OCIAD1: variants seen among roughly 807,000 people sequenced by gnomAD.
OCIAD1 encodes OCIA domain-containing protein 1.
OCIAD1 carries 29 observed loss-of-function variants against 38.9 expected under a neutral mutation model. The observed-to-expected ratio is 0.74, with a 90% CI of 0.55 to 1.02. The LOEUF is 1.02. OCIAD1 is among the 50% of genes least tolerant of loss of function. The probability of loss-of-function intolerance (pLI) is 0.00; values close to 1 mark genes in which losing one functional copy is unlikely to be tolerated. For missense variants in OCIAD1, 288 were observed against 289.6 expected, an observed-to-expected ratio of 0.99 and a Z score of 0.04; for synonymous variants, 110 against 92.0, an observed-to-expected ratio of 1.20 and a Z score of -1.12.
intron 1 of OCIAD1, among the ~76,000 whole-genome samples, chr4:48,820,569 G>T (rs1579035822): frequency 6.6e-6 from 1 of 152,052 alleles, no homozygotes; most frequent in African/African-American, 2.4e-5. Context: ...AACTGAAGGA[G>T]ATAGAGACAT....
intron 1 of OCIAD1, among the ~76,000 whole-genome samples, chr4:48,811,571 AG>A (rs1404431892): frequency 6.6e-6 from 1 of 152,174 alleles, no homozygotes; most frequent in African/African-American, 2.4e-5. Flanking sequence ...ACCATTACTG[AG>A]CCTGGGAGGT....
upstream of OCIAD1, among the ~76,000 whole-genome samples, chr4:48,828,981 G>C (rs1777281969): frequency 6.6e-6 from 1 of 152,162 alleles, no homozygotes; most frequent in Non-Finnish European, 1.5e-5. Flanking sequence ...TTGCTTTAAA[G>C]TTGGTGCAGT....
intron 1 of OCIAD1, among the ~76,000 whole-genome samples, chr4:48,823,824 C>CTGTTT (rs1777221213): frequency 2.9e-5 from 2 of 70,128 alleles, no homozygotes; most frequent in Non-Finnish European, 4.8e-5. Flanking sequence ...CAATGCCTGG[C>CTGTTT]TTTTTTTTTT....
At chr4:48,814,515 A>G (rs191763124) in intron 1 of OCIAD1, among the ~76,000 whole-genome samples, 6 of 152,298 alleles carry the variant, frequency 3.9e-5, no homozygotes, top group Admixed American at 2.6e-4. Context: ...CAAAAATAAC[A>G]TAATTTACAC....
In OCIAD1 at chr4:48,860,858, T is replaced by G; in HGVS notation, c.*96T>G. The stretch of plus-strand genomic sequence containing the variant: ...GCTTTGAGCTCAGCAGCAGTCTTCA[T>G]AAACACATTTAAAACAAGATCCTGG... On this transcript the variant is annotated 3_prime_UTR_variant, in exon 9 of 9. Transcript: ENST00000264312. 1 of 858,444 alleles carries G rather than the reference T, an allele frequency of 1.2e-6. No individual in the cohort carries two copies. 53.2% of individuals were successfully genotyped at this position (858,444 alleles called of 1,614,324 possible). A position where few individuals can be genotyped will look rare whatever the true frequency, so the allele number is the denominator to read the frequency against.
At chr4:48,856,273 A>G (rs1304475993) in intron 7 of OCIAD1, 1 of 152,230 alleles carries the variant, frequency 6.6e-6, no homozygotes, top group African/African-American at 2.4e-5. Context: ...TCCCAGGCCA[A>G]AATAACAGTT....
chr4:48,819,278 C>T (rs1777168730), intron 1 of OCIAD1, among the ~76,000 whole-genome samples: 1 of 151,080 alleles, frequency 6.6e-6, no homozygotes, highest in African/African-American at 2.4e-5. Context: ...ATTCAGCATC[C>T]TTAATATCTA....
At chr4:48,850,895 G>A (rs1205666755) in intron 6 of OCIAD1, among the ~76,000 whole-genome samples, 1 of 152,170 alleles carries the variant, frequency 6.6e-6, no homozygotes. Flanking sequence ...TAAATATAGA[G>A]TTGTGTCCTA....
chr4:48,830,823 C>T (rs537043810), upstream of OCIAD1: 3 of 152,886 alleles, frequency 2.0e-5, no homozygotes, highest in East Asian at 5.8e-4. Context: ...ACGAGAAGAC[C>T]AGAGAGGTGC....
At chr4:48,805,157 G>A (rs1777012219), upstream of OCIAD1, 1 of 152,146 alleles carries the variant, frequency 6.6e-6, no homozygotes, top group African/African-American at 2.4e-5. Flanking sequence ...TCTCAAATCA[G>A]TCACTCTGCA....
chr4:48,836,371 G>A (rs1271600901), intron 3 of OCIAD1, among the ~76,000 whole-genome samples: 2 of 152,190 alleles, frequency 1.3e-5, no homozygotes, highest in Non-Finnish European at 2.9e-5. Flanking sequence ...GAGACTCAAT[G>A]ATACCTCTGA....
rs1381219285 is a variant in OCIAD1, at chr4:48,860,865, A to T, written c.*103A>T. The T allele has an allele frequency of 1.2e-6, 1 of 830,136 alleles. No homozygotes were observed. Among genetic ancestry groups the T allele is most frequent in the Non-Finnish European group, 2.0e-6 (1 of 493,920 alleles). 51.4% of individuals were successfully genotyped at this position (830,136 alleles called of 1,614,324 possible). On this transcript the variant is annotated 3_prime_UTR_variant, in exon 9 of 9. Transcript: ENST00000264312. Reference sequence around the variant, plus strand: ...GCTCAGCAGCAGTCTTCATAAACACATTTAAAACAAGATCCTGGGTTTTTG... The same window carrying T: ...GCTCAGCAGCAGTCTTCATAAACACTTTTAAAACAAGATCCTGGGTTTTTG...
intron 4 of OCIAD1, among the ~76,000 whole-genome samples, chr4:48,847,844 C>G (rs530556239): frequency 6.6e-6 from 1 of 152,228 alleles, no homozygotes; most frequent in South Asian, 2.1e-4. Context: ...TGCCTTGGCC[C>G]TTTGTGTTCC....
chr4:48,808,303 A>T (rs1295357667), intron 1 of OCIAD1, among the ~76,000 whole-genome samples: 4 of 152,070 alleles, frequency 2.6e-5, no homozygotes, highest in Non-Finnish European at 5.9e-5. Context: ...CCTCATCTCT[A>T]CAAAAAATAC....
chr4:48,826,027 A>G (rs1777245760), intron 1 of OCIAD1, among the ~76,000 whole-genome samples: 1 of 151,944 alleles, frequency 6.6e-6, no homozygotes, highest in Admixed American at 6.6e-5. Flanking sequence ...AGGTAGAGAC[A>G]GGGTTTCGCC....
intron 1 of OCIAD1, among the ~76,000 whole-genome samples, chr4:48,819,524 G>T (rs1467057184): frequency 6.6e-6 from 1 of 151,700 alleles, no homozygotes; most frequent in African/African-American, 2.4e-5. Flanking sequence ...CATTATGATG[G>T]CAGGATCAAA....
chr4:48,841,445 T>C (rs1337398886), intron 3 of OCIAD1, among the ~76,000 whole-genome samples: 30 of 152,200 alleles, frequency 2.0e-4, no homozygotes, highest in Admixed American at 2.0e-3. Flanking sequence ...TGTAAATTTC[T>C]CCAACAGCTA....
intron 1 of OCIAD1, among the ~76,000 whole-genome samples, chr4:48,815,490 A>G (rs1777135406): frequency 6.6e-6 from 1 of 152,220 alleles, no homozygotes; most frequent in African/African-American, 2.4e-5. Flanking sequence ...AAAACCTGCC[A>G]GGGAATTTAC....
At chr4:48,807,929 G>A (rs1253726730) in intron 1 of OCIAD1, among the ~76,000 whole-genome samples, 3 of 152,070 alleles carry the variant, frequency 2.0e-5, no homozygotes, top group African/African-American at 4.8e-5. Context: ...GCCCCAGATC[G>A]GCACTGTCAC....
Sources: gnomAD v4.1 joint callset for allele counts (sites outside exome capture counted in the v4.1 genomes callset) on GRCh38, gnomAD v4.1.1 for gene constraint, MANE v1.5 for transcripts, NCBI Gene and HGNC (gene_info 2026-07-23, HGNC 2026-07-21) for gene names.